Variants in RASAL2 observed in about 807,000 individuals in gnomAD.
RASAL2 encodes the protein RAS protein activator like 2.
A neutral mutation model predicts 128.9 loss-of-function variants in RASAL2; 58 were observed. The observed-to-expected ratio is 0.45, with a 90% CI of 0.36 to 0.56. The LOEUF is 0.56. RASAL2 is among the 20% of genes least tolerant of loss of function. The pLI is 0.00. For missense variants in RASAL2, 1,360 were observed against 1,601.6 expected, an observed-to-expected ratio of 0.85 and a Z score of 2.57; for synonymous variants, 561 against 580.8, an observed-to-expected ratio of 0.97 and a Z score of 0.49.
At chr1:178,378,328 TA>T (rs138116130) in intron 3 of RASAL2, among the ~76,000 whole-genome samples, 44 of 152,160 alleles carry the variant, frequency 2.9e-4, no homozygotes, top group African/African-American at 1.0e-3. Context: ...ATAACAATCT[TA>T]CATGTACCCA....
At chr1:178,117,967 C>T (rs1659574784) in intron 1 of RASAL2, among the ~76,000 whole-genome samples, 1 of 151,912 alleles carries the variant, frequency 6.6e-6, no homozygotes, top group Non-Finnish European at 1.5e-5. Flanking sequence ...GAGTTCGAGA[C>T]CAGCCTGACC....
intron 3 of RASAL2, among the ~76,000 whole-genome samples, chr1:178,349,386 T>C (rs1210049596): frequency 6.6e-6 from 1 of 151,906 alleles, no homozygotes; most frequent in East Asian, 1.9e-4. Flanking sequence ...ATTGTGCCAC[T>C]GCACTCCAGC....
intron 3 of RASAL2, among the ~76,000 whole-genome samples, chr1:178,351,590 G>A (rs983555310): frequency 6.6e-6 from 1 of 152,150 alleles, no homozygotes; most frequent in Non-Finnish European, 1.5e-5. Context: ...AATTAGCCAG[G>A]TGTGGTGGCG....
chr1:178,112,144 G>T (rs1659345945), intron 1 of RASAL2, among the ~76,000 whole-genome samples: 1 of 152,080 alleles, frequency 6.6e-6, no homozygotes. Flanking sequence ...TCATTCTGTG[G>T]CTGGTCTTAT....
intron 3 of RASAL2, among the ~76,000 whole-genome samples, chr1:178,306,448 T>C (rs1372624502): frequency 6.6e-6 from 1 of 152,196 alleles, no homozygotes; most frequent in Non-Finnish European, 1.5e-5. Flanking sequence ...GTAATTCTAG[T>C]TCTAGATCCC....
chr1:178,278,461 C>T (rs1015392552), intron 1 of RASAL2, among the ~76,000 whole-genome samples: 1 of 152,136 alleles, frequency 6.6e-6, no homozygotes, highest in Non-Finnish European at 1.5e-5. Flanking sequence ...TAGCTGCCTG[C>T]CTGACCAGTT....
At chr1:178,163,509 A>G (rs1223353686) in intron 1 of RASAL2, among the ~76,000 whole-genome samples, 1 of 152,090 alleles carries the variant, frequency 6.6e-6, no homozygotes, top group African/African-American at 2.4e-5. Context: ...CTAACTTTAT[A>G]CTTCTGCATG....
In RASAL2 at chr1:178,283,560, G is replaced by A. The variant is rs1468702126; in HGVS notation, c.203-4G>A. 6.2e-7 allele frequency: 1 copy of A among 1,605,988 alleles called. No homozygotes were observed. The highest frequency in any genetic ancestry group is 1.3e-5 in the African/African-American group (1 of 74,306). On this transcript the variant is annotated splice_region_variant and splice_polypyrimidine_tract_variant and intron_variant, in intron 1 of 17. Transcript: ENST00000367649. ...CACTTTTGTTTTTCCCTTTTCTCAT[G>A]CAGATGTGAAAGGACCACCCACCCA...
chr1:178,280,687 G>T (rs1021023939), intron 1 of RASAL2, among the ~76,000 whole-genome samples: 2 of 152,066 alleles, frequency 1.3e-5, no homozygotes, highest in Non-Finnish European at 2.9e-5. Flanking sequence ...TTTTTGTAAT[G>T]AGGCCAGCAT....
intron 1 of RASAL2, among the ~76,000 whole-genome samples, chr1:178,142,910 G>T (rs184469999): frequency 9.0e-4 from 137 of 152,044 alleles, no homozygotes; most frequent in African/African-American, 3.3e-3. Context: ...CTGAGATTTG[G>T]GCATGTGGGT....
chr1:178,189,969 G>T (rs1390158354), intron 1 of RASAL2, among the ~76,000 whole-genome samples: 1 of 152,106 alleles, frequency 6.6e-6, no homozygotes, highest in African/African-American at 2.4e-5. Context: ...TCAACTGGGG[G>T]CATGCTGAGT....
chr1:178,221,373 CCTT>C (rs1663607371), intron 1 of RASAL2, among the ~76,000 whole-genome samples: 2 of 152,056 alleles, frequency 1.3e-5, no homozygotes, highest in East Asian at 1.9e-4. Flanking sequence ...TGATTTTAGA[CCTT>C]CTTTTTTTAA....
At chr1:178,253,605 G>A (rs1384665906) in intron 1 of RASAL2, among the ~76,000 whole-genome samples, 1 of 152,088 alleles carries the variant, frequency 6.6e-6, no homozygotes, top group Non-Finnish European at 1.5e-5. Context: ...GGAGATAGGG[G>A]TGGGGCTGTT....
chr1:178,387,904 A>T (rs1672676524), intron 3 of RASAL2, among the ~76,000 whole-genome samples: 1 of 152,210 alleles, frequency 6.6e-6, no homozygotes. Context: ...TCATTTAATG[A>T]GTTTGTATGC....
intron 3 of RASAL2, among the ~76,000 whole-genome samples, chr1:178,342,552 A>G (rs1669940583): frequency 6.6e-6 from 1 of 152,220 alleles, no homozygotes; most frequent in Non-Finnish European, 1.5e-5. Flanking sequence ...AACCAAAAAC[A>G]TGTAACAAAA....
At chr1:178,420,859 TTAAGC>T (rs770517846) in intron 5 of RASAL2, among the ~76,000 whole-genome samples, 1 of 152,180 alleles carries the variant, frequency 6.6e-6, no homozygotes, top group Non-Finnish European at 1.5e-5. Flanking sequence ...TCAGAGTCAG[TTAAGC>T]TATTTCTGTA....
chr1:178,106,390 T>G (rs968970561), intron 1 of RASAL2, among the ~76,000 whole-genome samples: 2 of 152,200 alleles, frequency 1.3e-5, no homozygotes, highest in Non-Finnish European at 2.9e-5. Context: ...ATTTGTAAAT[T>G]TCAAGACTGC....
At chr1:178,411,677 C>G in intron 4 of RASAL2, 1 of 821,948 alleles carries the variant, frequency 1.2e-6, no homozygotes, top group Non-Finnish European at 2.2e-6. Context: ...TTCAGTGACA[C>G]TTTTGTCCAT....
intron 1 of RASAL2, among the ~76,000 whole-genome samples, chr1:178,103,535 G>A (rs537726270): frequency 6.6e-6 from 1 of 151,950 alleles, no homozygotes; most frequent in African/African-American, 2.4e-5. Flanking sequence ...CGAAATTTTG[G>A]ATCAGACAAT....
Sources: gnomAD v4.1 joint callset for allele counts (sites outside exome capture counted in the v4.1 genomes callset) on GRCh38, gnomAD v4.1.1 for gene constraint, MANE v1.5 for transcripts, NCBI Gene and HGNC (gene_info 2026-07-23, HGNC 2026-07-21) for gene names.